Variants in FUT8 observed in about 807,000 individuals in gnomAD.
The protein encoded by FUT8 is fucosyltransferase 8.
Under a neutral mutation model 71.3 loss-of-function variants are expected in FUT8, and 29 were observed. The ratio of observed to expected loss-of-function variants is 0.41; its 90% CI spans 0.30 to 0.55. The LOEUF (loss-of-function observed/expected upper bound fraction) is 0.55, where lower values mean the gene tolerates loss of function less well. Among genes scored for constraint, FUT8 ranks in the 20% least tolerant of loss-of-function variants. The pLI is 0.34. For synonymous variants in FUT8, 254 were observed against 239.3 expected (o/e 1.06, Z -0.57); for missense variants, 544 against 702.1 (o/e 0.77, Z 2.55).
intron 7 of FUT8, among the ~76,000 whole-genome samples, chr14:65,693,023 C>A (rs1893770087): frequency 6.7e-6 from 1 of 149,034 alleles, no homozygotes; most frequent in African/African-American, 2.5e-5. Context: ...ACTTTCCAGA[C>A]TGGGCAGCCA....
intron 2 of FUT8, among the ~76,000 whole-genome samples, chr14:65,487,630 C>T (rs2066429298): frequency 6.7e-6 from 1 of 150,310 alleles, no homozygotes. Flanking sequence ...GTCATTGGCT[C>T]TTGCGGCCTT....
chr14:65,670,063 C>A (rs773619056), intron 7 of FUT8, among the ~76,000 whole-genome samples: 26 of 152,242 alleles, frequency 1.7e-4, no homozygotes, highest in Middle Eastern at 3.4e-3. Flanking sequence ...TAATTGTATT[C>A]AGGAAACATT....
At chr14:65,376,495 C>T in the FUT8 span, among the ~76,000 whole-genome samples, 255 of 96,188 alleles carry the variant, frequency 2.7e-3, 28 homozygotes, top group African/African-American at 8.0e-3. Flanking sequence ...ACTGCAACCT[C>T]CACCTCCTGG....
chr14:65,567,636 T>G (rs962071772), intron 3 of FUT8, among the ~76,000 whole-genome samples: 4 of 151,920 alleles, frequency 2.6e-5, no homozygotes, highest in African/African-American at 9.7e-5. Context: ...ATATCTGCCT[T>G]TTGCTTTTTC....
chr14:65,687,993 G>A (rs1484614408), intron 7 of FUT8, among the ~76,000 whole-genome samples: 2 of 152,190 alleles, frequency 1.3e-5, no homozygotes, highest in African/African-American at 2.4e-5. Context: ...GTTTCCCAGT[G>A]CACTGGGATT....
intron 3 of FUT8, among the ~76,000 whole-genome samples, chr14:65,605,784 A>G (rs566401263): frequency 6.6e-6 from 1 of 151,756 alleles, no homozygotes; most frequent in South Asian, 2.1e-4. Context: ...ACACTTTTTA[A>G]TTGTCGCCAT....
At chr14:65,399,213 A>G in the FUT8 span, among the ~76,000 whole-genome samples, 1 of 152,150 alleles carries the variant, frequency 6.6e-6, no homozygotes, top group Non-Finnish European at 1.5e-5. Flanking sequence ...GCTACTCAGG[A>G]GGCTAAGGCA....
chr14:65,561,294 T>TATACCTTAAATAATTTAA (rs1284774846), intron 2 of FUT8, 43 bp from the exon 3 acceptor site: 2 of 377,398 alleles, frequency 5.3e-6, no homozygotes, highest in Admixed American at 7.7e-5. Context: ...TGCTATTTTA[T>TATACCTTAAATAATTTAA]ATACCTTAAA....
At chr14:65,435,749 T>C (rs2065545928) in intron 1 of FUT8, among the ~76,000 whole-genome samples, 1 of 152,040 alleles carries the variant, frequency 6.6e-6, no homozygotes, top group African/African-American at 2.4e-5. Flanking sequence ...TTCCAGTTGC[T>C]CTACATCCTT....
intron 7 of FUT8, among the ~76,000 whole-genome samples, chr14:65,690,074 G>C (rs1467706942): frequency 3.9e-5 from 6 of 152,030 alleles, no homozygotes; most frequent in Admixed American, 3.9e-4. Context: ...CCCTGTTTTT[G>C]TTTGTTTGTT....
intron 2 of FUT8, among the ~76,000 whole-genome samples, chr14:65,511,912 A>C (rs1234287077): frequency 6.6e-6 from 1 of 152,144 alleles, no homozygotes; most frequent in Non-Finnish European, 1.5e-5. Context: ...TTATTGACAA[A>C]CAAGGACTTA....
chr14:65,530,321 A>G (rs1883855643), intron 2 of FUT8, among the ~76,000 whole-genome samples: 1 of 152,194 alleles, frequency 6.6e-6, no homozygotes, highest in Non-Finnish European at 1.5e-5. Flanking sequence ...CCCTTATTAC[A>G]GAAATCAGTT....
At position 65,434,486 on chromosome 14, in the gene FUT8, G is replaced by A. The variant is rs1042356463; in HGVS notation, c.-325-21135G>A. 2.0e-5 allele frequency among the ~76,000 whole-genome samples: 3 copies of A among 152,322 alleles called. No homozygotes were observed. The East Asian group carries it at 5.8e-4, about 29-fold the overall frequency. ...GGTAGTGTCAGTTCCCCAGAGGATA[G>A]ATGTTGTTAACCAGAGAAATAGGGA... On this transcript the variant is annotated intron_variant, in intron 1 of 10. Transcript: ENST00000673929.
chr14:65,385,570 A>AT, the FUT8 span, among the ~76,000 whole-genome samples: 20,431 of 152,122 alleles, frequency 0.13, 2,033 homozygotes, highest in East Asian at 0.54. Context: ...TGGCTTTTAG[A>AT]TTTTTTATAT....
chr14:65,617,529 C>G (rs1028740189), intron 5 of FUT8, among the ~76,000 whole-genome samples: 2 of 152,138 alleles, frequency 1.3e-5, no homozygotes, highest in African/African-American at 4.8e-5. Flanking sequence ...TGCTTGTGTT[C>G]TTTGCTTATC....
chr14:65,469,749 A>T (rs1382259824), intron 2 of FUT8, among the ~76,000 whole-genome samples: 1 of 152,170 alleles, frequency 6.6e-6, no homozygotes, highest in African/African-American at 2.4e-5. Flanking sequence ...AGCTCTCAGC[A>T]GAGACGATAG....
At chr14:65,358,481 T>C in the FUT8 span, among the ~76,000 whole-genome samples, 1 of 152,154 alleles carries the variant, frequency 6.6e-6, no homozygotes, top group Non-Finnish European at 1.5e-5. Context: ...ATTATTATTA[T>C]TATCATTTTT....
Position 65,518,564 on chromosome 14 carries a change from C to T in FUT8, c.-227-42773C>T, listed in dbSNP as rs370696545. On this transcript the variant is annotated intron_variant, in intron 2 of 10. Coordinates refer to ENST00000673929, the MANE Select transcript of FUT8 (RefSeq NM_001371533.1). ...TATTTATGAGACAGTCTCACTCTGTCGCCCAGGCTAGAGTGTAGTGGCTTG... is the reference window on the plus strand; with the variant it reads ...TATTTATGAGACAGTCTCACTCTGTTGCCCAGGCTAGAGTGTAGTGGCTTG... Among the ~76,000 whole-genome samples, 77 of 152,206 alleles carry T rather than the reference C, an allele frequency of 5.1e-4. No homozygotes were observed. In the East Asian group the frequency reaches 5.6e-3, roughly 11 times the overall value.
chr14:65,389,270 GTGATC>G, the FUT8 span, among the ~76,000 whole-genome samples: 1 of 151,952 alleles, frequency 6.6e-6, no homozygotes, highest in African/African-American at 2.4e-5. Context: ...AGTGGTGTGT[GTGATC>G]GTGGCTTCCT....
Sources: allele counts gnomAD v4.1 joint callset (sites outside exome capture counted in the v4.1 genomes callset), GRCh38; gene constraint gnomAD v4.1.1; transcripts MANE v1.5; gene names NCBI Gene and HGNC (gene_info 2026-07-23, HGNC 2026-07-21).